Variants in GABRB1 observed in about 807,000 individuals in gnomAD.
The protein encoded by GABRB1 is gamma-aminobutyric acid type A receptor subunit beta1, also known as gamma-aminobutyric acid receptor subunit beta-1.
A neutral mutation model predicts 51.6 loss-of-function variants in GABRB1; 17 were observed. That is an observed-to-expected ratio of 0.33 (90% CI 0.23 to 0.49). The LOEUF is 0.49. GABRB1 is among the 20% of genes least tolerant of loss of function. The probability of loss-of-function intolerance (pLI) is 0.99; values close to 1 mark genes in which losing one functional copy is unlikely to be tolerated. For missense variants in GABRB1, 410 were observed against 600.6 expected (o/e 0.68, Z 3.32); for synonymous variants, 247 against 218.9 (o/e 1.13, Z -1.14).
chr4:47,400,894 T>C (rs1728353748), intron 5 of GABRB1, among the ~76,000 whole-genome samples: 1 of 151,426 alleles, frequency 6.6e-6, no homozygotes, highest in African/African-American at 2.4e-5. Context: ...TGCTGCAAGA[T>C]ACATTATTTT....
intron 4 of GABRB1, among the ~76,000 whole-genome samples, chr4:47,243,123 C>T (rs1333205972): frequency 6.6e-6 from 1 of 152,178 alleles, no homozygotes; most frequent in Non-Finnish European, 1.5e-5. Flanking sequence ...GTTTTCCCAG[C>T]ACCATTTATT....
intron 4 of GABRB1, among the ~76,000 whole-genome samples, chr4:47,188,140 G>T (rs1320760930): frequency 6.6e-6 from 1 of 151,978 alleles, no homozygotes; most frequent in Non-Finnish European, 1.5e-5. Context: ...GATCATGATT[G>T]CCACACAGTG....
chr4:47,176,935 G>T (rs1209948985), intron 4 of GABRB1, among the ~76,000 whole-genome samples: 1 of 152,148 alleles, frequency 6.6e-6, no homozygotes, highest in African/African-American at 2.4e-5. Flanking sequence ...AACTGAGGCA[G>T]TAACAAGTAA....
chr4:47,220,604 C>T (rs542561931), intron 4 of GABRB1, among the ~76,000 whole-genome samples: 6 of 152,028 alleles, frequency 3.9e-5, no homozygotes, highest in African/African-American at 1.2e-4. Flanking sequence ...TGAATCCCTC[C>T]GAAAACCTTC....
intron 4 of GABRB1, among the ~76,000 whole-genome samples, chr4:47,236,058 A>G (rs1325534355): frequency 6.6e-6 from 1 of 152,092 alleles, no homozygotes; most frequent in Non-Finnish European, 1.5e-5. Context: ...GGTGCCAGAA[A>G]TTGGACAATA....
chr4:47,061,509 G>T (rs1035361582), intron 3 of GABRB1, among the ~76,000 whole-genome samples: 3 of 151,964 alleles, frequency 2.0e-5, no homozygotes, highest in African/African-American at 7.2e-5. Flanking sequence ...AAGTATTTTG[G>T]CTTCCCTAGT....
intron 3 of GABRB1, among the ~76,000 whole-genome samples, chr4:47,068,183 G>T (rs1360000282): frequency 6.6e-6 from 1 of 152,152 alleles, no homozygotes; most frequent in Non-Finnish European, 1.5e-5. Context: ...AAGAATTGAA[G>T]ATAGTTAGGG....
chr4:47,102,512 C>G (rs1235695101), intron 3 of GABRB1, among the ~76,000 whole-genome samples: 2 of 151,988 alleles, frequency 1.3e-5, no homozygotes, highest in African/African-American at 4.8e-5. Context: ...GTTGAGTAAC[C>G]TCCGCTAATT....
intron 4 of GABRB1, among the ~76,000 whole-genome samples, chr4:47,293,565 T>C (rs1191157772): frequency 6.6e-6 from 1 of 152,178 alleles, no homozygotes; most frequent in Non-Finnish European, 1.5e-5. Context: ...TAGATATAGA[T>C]ATAAACTGAT....
intron 5 of GABRB1, among the ~76,000 whole-genome samples, chr4:47,386,411 T>C (rs1437225087): frequency 6.6e-6 from 1 of 152,190 alleles, no homozygotes; most frequent in East Asian, 1.9e-4. Flanking sequence ...ATGTAGAGGC[T>C]ACAAGCTGTT....
chr4:47,072,269 T>A (rs1727371513), intron 3 of GABRB1, among the ~76,000 whole-genome samples: 1 of 152,196 alleles, frequency 6.6e-6, no homozygotes. Flanking sequence ...AAGCAACTGA[T>A]GACATTTACC....
At position 47,165,905 on chromosome 4, in the gene GABRB1, C is replaced by G. The variant is rs190626526; in HGVS notation, c.461+4436C>G. Among the ~76,000 whole-genome samples, 11 of 152,236 alleles carry G rather than the reference C, an allele frequency of 7.2e-5. No homozygotes were observed. In the East Asian group the frequency reaches 2.1e-3, roughly 29 times the overall value. ...TCAATAGACATAAACTTGAAGGCAACTGTAATTCCACGTCTCTTTTGTCAC... is the reference window on the plus strand; with the variant it reads ...TCAATAGACATAAACTTGAAGGCAAGTGTAATTCCACGTCTCTTTTGTCAC... On this transcript the variant is annotated intron_variant, in intron 4 of 8. Transcript: ENST00000295454.
chr4:47,058,705 T>C (rs1396461774), intron 3 of GABRB1, among the ~76,000 whole-genome samples: 2 of 152,188 alleles, frequency 1.3e-5, no homozygotes, highest in Admixed American at 1.3e-4. Flanking sequence ...ATGTTTTACA[T>C]ATTGCAGTTC....
chr4:47,029,571 CA>C (rs1439092318), upstream of GABRB1, among the ~76,000 whole-genome samples: 27 of 151,964 alleles, frequency 1.8e-4, no homozygotes, highest in African/African-American at 6.0e-4. Context: ...ATAGTTATCG[CA>C]ATAATCTTTT....
At position 47,005,416 on chromosome 4, in the gene GABRB1, T is replaced by TCAAACAAA. The variant is rs569415815; in HGVS notation, c.-20+11507_-20+11514dup. 3.9e-4 allele frequency among the ~76,000 whole-genome samples: 59 copies of TCAAACAAA among 151,994 alleles called. 1 individual carries two copies. The highest frequency in any genetic ancestry group is 6.8e-4 in the Non-Finnish European group (46 of 67,982). The stretch of plus-strand genomic sequence containing the variant: ...ATGGGCGACAGAGTGGGACTCCGTC[T>TCAAACAAA]CAAACAAACAAACAAACAAACAAAA... On this transcript the variant is annotated intron_variant, in intron 1 of 3. Transcript: ENST00000513567.
At chr4:47,152,337 C>G (rs2109719516) in intron 3 of GABRB1, among the ~76,000 whole-genome samples, 1 of 152,082 alleles carries the variant, frequency 6.6e-6, no homozygotes, top group Non-Finnish European at 1.5e-5. Flanking sequence ...CCACTGTACA[C>G]TATGCCAGGG....
intron 4 of GABRB1, among the ~76,000 whole-genome samples, chr4:47,295,586 C>G (rs546284877): frequency 6.6e-6 from 1 of 152,274 alleles, no homozygotes; most frequent in South Asian, 2.1e-4. Context: ...CGAACAAAGC[C>G]TCCAAGAAAT....
chr4:47,291,767 C>G (rs1203279770), intron 4 of GABRB1, among the ~76,000 whole-genome samples: 1 of 152,154 alleles, frequency 6.6e-6, no homozygotes. Context: ...CCTGTAACCC[C>G]TTTGTTTTGG....
chr4:47,323,625 T>G (rs139153666), intron 5 of GABRB1, among the ~76,000 whole-genome samples: 1 of 152,198 alleles, frequency 6.6e-6, no homozygotes, highest in Admixed American at 6.5e-5. Context: ...GACATCCCAC[T>G]GATGTAAGAT....
Sources: gnomAD v4.1 joint callset for allele counts (sites outside exome capture counted in the v4.1 genomes callset) on GRCh38, gnomAD v4.1.1 for gene constraint, MANE v1.5 for transcripts, NCBI Gene and HGNC (gene_info 2026-07-23, HGNC 2026-07-21) for gene names.